DAB1: variants seen among roughly 807,000 people sequenced by gnomAD.
The protein encoded by DAB1 is DAB adaptor protein 1, also known as disabled homolog 1.
A neutral mutation model predicts 64.6 loss-of-function variants in DAB1; 15 were observed. The observed-to-expected ratio is 0.23, with a 90% CI of 0.16 to 0.36. The LOEUF is 0.36. Ranked by LOEUF, DAB1 falls within the 10% of genes least tolerant of loss-of-function variation. The probability of loss-of-function intolerance (pLI) is 1.00; values close to 1 mark genes in which losing one functional copy is unlikely to be tolerated. For synonymous variants in DAB1, 235 were observed against 251.9 expected (o/e 0.93, Z 0.64); for missense variants, 596 against 706.7 (o/e 0.84, Z 1.78).
intron 7 of DAB1, among the ~76,000 whole-genome samples, chr1:57,431,410 A>G (rs1449723406): frequency 6.6e-6 from 1 of 152,222 alleles, no homozygotes; most frequent in African/African-American, 2.4e-5. Flanking sequence ...TATGCCTTGG[A>G]CATAAGTAAA....
At chr1:57,764,467 A>G (rs552802569) in intron 6 of DAB1, among the ~76,000 whole-genome samples, 2 of 152,248 alleles carry the variant, frequency 1.3e-5, no homozygotes, top group South Asian at 4.1e-4. Flanking sequence ...AGCTATTTGA[A>G]ACTATATATT....
In DAB1 at chr1:57,777,302, T is replaced by C. The variant is rs938487839; in HGVS notation, n.551+106697A>G. Among the ~76,000 whole-genome samples, 136 of 151,838 alleles carry C rather than the reference T, an allele frequency of 9.0e-4. 1 individual carries two copies. The highest frequency in any genetic ancestry group is 8.8e-5 in the Non-Finnish European group (6 of 67,818). On this transcript the variant is annotated intron_variant and non_coding_transcript_variant, in intron 6 of 20. Coordinates refer to the DAB1 transcript ENST00000485760. ...ATGTATGCTGGCATAGTTTTGTTTT[T>C]TATCCTGCTTGATTTTCATTTAATT...
At chr1:57,042,860 T>TACAC (rs539308197) in intron 9 of DAB1, among the ~76,000 whole-genome samples, 4 of 149,984 alleles carry the variant, frequency 2.7e-5, no homozygotes, top group Non-Finnish European at 4.5e-5. Flanking sequence ...CACACATACA[T>TACAC]ACACACACAC....
intron 7 of DAB1, among the ~76,000 whole-genome samples, chr1:57,520,959 T>C (rs145125516): frequency 2.0e-5 from 3 of 152,172 alleles, no homozygotes; most frequent in African/African-American, 7.2e-5. Context: ...AAAGGTAATG[T>C]CTTTTTCCAG....
intron 2 of DAB1, 102 bp from the exon 3 acceptor site, chr1:57,145,531 C>A: frequency 1.6e-6 from 2 of 1,266,152 alleles, no homozygotes; most frequent in Non-Finnish European, 2.2e-6. Context: ...ATCTACATTC[C>A]CGGAAAGTCA....
intron 6 of DAB1, among the ~76,000 whole-genome samples, chr1:57,763,293 T>C (rs1649164337): frequency 6.6e-6 from 1 of 152,170 alleles, no homozygotes; most frequent in Non-Finnish European, 1.5e-5. Flanking sequence ...CTTGTGTAGA[T>C]ACATAGCCAG....
At chr1:58,228,793 G>A in intron 4 of DAB1, 1 of 782,812 alleles carries the variant, frequency 1.3e-6, no homozygotes, top group Non-Finnish European at 2.1e-6. Flanking sequence ...AAATCATAGA[G>A]CACAAAGAAC....
At position 57,495,482 on chromosome 1, in the gene DAB1, G is replaced by A. The variant is rs539740505; in HGVS notation, n.625+154110C>T. ...ATCCTTTAACCGTCAATCAAACTCA[G>A]CACTTGTAGGAACAGCAATGTGCAC... On this transcript the variant is annotated intron_variant and non_coding_transcript_variant, in intron 7 of 20. Coordinates refer to the DAB1 transcript ENST00000485760. 3.9e-5 allele frequency among the ~76,000 whole-genome samples: 6 copies of A among 152,240 alleles called. No homozygotes were observed. The South Asian group carries it at 1.2e-3, about 32-fold the overall frequency.
intron 2 of DAB1, among the ~76,000 whole-genome samples, chr1:57,224,101 T>C (rs72921347): frequency 0.015 from 2,290 of 152,286 alleles, 61 homozygotes; most frequent in African/African-American, 0.052. Flanking sequence ...GACTAAGAGC[T>C]CCTTAACTGG....
intron 7 of DAB1, among the ~76,000 whole-genome samples, chr1:57,484,359 T>C (rs192765522): frequency 5.9e-5 from 9 of 152,298 alleles, no homozygotes; most frequent in Admixed American, 5.2e-4. Flanking sequence ...TAAATACCCC[T>C]CAGGCTGCTA....
intron 4 of DAB1, among the ~76,000 whole-genome samples, chr1:58,309,768 A>G (rs1662386676): frequency 6.6e-6 from 1 of 152,146 alleles, no homozygotes; most frequent in Non-Finnish European, 1.5e-5. Context: ...GACTGTATTA[A>G]TAAATGCTCT....
intron 6 of DAB1, among the ~76,000 whole-genome samples, chr1:57,700,960 C>T (rs999157790): frequency 2.0e-5 from 3 of 152,224 alleles, no homozygotes; most frequent in African/African-American, 4.8e-5. Context: ...AAAATGCTCA[C>T]CATCACTGGC....
At chr1:58,204,105 G>A (rs1018792326) in intron 4 of DAB1, among the ~76,000 whole-genome samples, 3 of 152,168 alleles carry the variant, frequency 2.0e-5, no homozygotes, top group Non-Finnish European at 2.9e-5. Context: ...ATGTGGCTCA[G>A]TTTTGAACTG....
At chr1:58,237,313 A>G (rs932848347) in intron 4 of DAB1, among the ~76,000 whole-genome samples, 2 of 152,220 alleles carry the variant, frequency 1.3e-5, no homozygotes, top group Non-Finnish European at 2.9e-5. Flanking sequence ...TACTCTATGT[A>G]AGACACTATG....
rs1190039402 is a variant in DAB1, at chr1:56,997,264, C to T, written c.*880G>A. The T allele has an allele frequency of 1.3e-5, 2 of 152,154 alleles. No homozygotes were observed. The highest frequency in any genetic ancestry group is 3.9e-4 in the East Asian group (2 of 5,178). 9.4% of individuals were successfully genotyped at this position (152,154 alleles called of 1,614,324 possible). On this transcript the variant is annotated 3_prime_UTR_variant, in exon 15 of 15. Transcript: ENST00000371236. Reference sequence around the variant, plus strand: ...TTATTGTACTTAGAGTTTAGAGCTTCTTAAGAAATCAGATGCATTTTTCAT... The same window carrying T: ...TTATTGTACTTAGAGTTTAGAGCTTTTTAAGAAATCAGATGCATTTTTCAT...
At chr1:58,434,794 C>A (rs952265068) in intron 3 of DAB1, among the ~76,000 whole-genome samples, 4 of 152,134 alleles carry the variant, frequency 2.6e-5, no homozygotes, top group African/African-American at 9.7e-5. Flanking sequence ...CAAAGTGCAT[C>A]CCCTGCATGT....
At chr1:57,687,307 A>G (rs1400527105) in intron 6 of DAB1, among the ~76,000 whole-genome samples, 1 of 152,142 alleles carries the variant, frequency 6.6e-6, no homozygotes, top group Non-Finnish European at 1.5e-5. Context: ...TAAAAAGTGG[A>G]AATAACTAGG....
rs773399302 is a variant in DAB1, at chr1:57,412,942, A to C, written c.-137+10988T>G. Among the ~76,000 whole-genome samples the C allele has an allele frequency of 1.8e-4, 28 of 152,366 alleles. 1 individual carries two copies. The highest frequency in any genetic ancestry group is 4.0e-4 in the Non-Finnish European group (27 of 68,040). On this transcript the variant is annotated intron_variant, in intron 1 of 14. Transcript: ENST00000371236. The stretch of plus-strand genomic sequence containing the variant: ...GAAGAAGGTGTTATCTAGGACTTTC[A>C]CAGCTAGAGAGGAGAGGTCAATGCC...
At chr1:57,491,992 G>T (rs1455507914) in intron 7 of DAB1, among the ~76,000 whole-genome samples, 2 of 152,178 alleles carry the variant, frequency 1.3e-5, no homozygotes, top group East Asian at 3.8e-4. Flanking sequence ...TGACACATTC[G>T]GCTCCTGGAG....
Sources: gnomAD v4.1 joint callset for allele counts (sites outside exome capture counted in the v4.1 genomes callset) on GRCh38, gnomAD v4.1.1 for gene constraint, MANE v1.5 for transcripts, NCBI Gene and HGNC (gene_info 2026-07-23, HGNC 2026-07-21) for gene names.